Variants in PTPRD observed in about 807,000 individuals in gnomAD.
PTPRD encodes receptor-type tyrosine-protein phosphatase delta.
PTPRD carries 34 observed loss-of-function variants against 214.5 expected under a neutral mutation model. That is an observed-to-expected ratio of 0.16 (90% CI 0.12 to 0.21). PTPRD has a LOEUF of 0.21. Among genes scored for constraint, PTPRD ranks in the 10% least tolerant of loss-of-function variants. The pLI is 1.00. For missense variants in PTPRD, 2,545 were observed against 2,398.7 expected, an observed-to-expected ratio of 1.06 and a Z score of -1.27; for synonymous variants, 1,128 against 845.7, an observed-to-expected ratio of 1.33 and a Z score of -5.79.
chr9:8,986,784 T>C (rs942618926), intron 11 of PTPRD, among the ~76,000 whole-genome samples: 2 of 152,112 alleles, frequency 1.3e-5, no homozygotes, highest in African/African-American at 4.8e-5. Context: ...CATGCTAATA[T>C]CAAACGAATT....
At chr9:10,212,234 G>A (rs1432905422) in intron 3 of PTPRD, among the ~76,000 whole-genome samples, 1 of 151,956 alleles carries the variant, frequency 6.6e-6, no homozygotes, top group Non-Finnish European at 1.5e-5. Flanking sequence ...TAATGTTTGT[G>A]CAAGCAAAAG....
chr9:9,931,391 G>A (rs920105647), intron 5 of PTPRD, among the ~76,000 whole-genome samples: 1 of 152,168 alleles, frequency 6.6e-6, no homozygotes, highest in Non-Finnish European at 1.5e-5. Flanking sequence ...AGCCGAAGCA[G>A]GGCGAGGCAT....
At chr9:8,811,754 T>G (rs2096810125) in intron 11 of PTPRD, among the ~76,000 whole-genome samples, 1 of 152,184 alleles carries the variant, frequency 6.6e-6, no homozygotes, top group Non-Finnish European at 1.5e-5. Flanking sequence ...AACAACGCAG[T>G]CGTAATTCAA....
chr9:10,330,025 C>T (rs186996377), intron 3 of PTPRD, among the ~76,000 whole-genome samples: 9 of 151,892 alleles, frequency 5.9e-5, no homozygotes, highest in Non-Finnish European at 1.3e-4. Context: ...TAGTAGACAT[C>T]TATAGAACTA....
At chr9:9,905,619 T>A (rs2077376866) in intron 5 of PTPRD, among the ~76,000 whole-genome samples, 1 of 151,940 alleles carries the variant, frequency 6.6e-6, no homozygotes, top group African/African-American at 2.4e-5. Context: ...CAGAAATTTT[T>A]ACAAATGACA....
intron 3 of PTPRD, among the ~76,000 whole-genome samples, chr9:10,332,069 T>C (rs2154434922): frequency 6.6e-6 from 1 of 151,998 alleles, no homozygotes; most frequent in South Asian, 2.1e-4. Flanking sequence ...CATTTATTTT[T>C]TACATTTAAA....
intron 34 of PTPRD, among the ~76,000 whole-genome samples, chr9:8,443,501 T>C (rs1284239863): frequency 6.6e-6 from 1 of 152,220 alleles, no homozygotes; most frequent in Non-Finnish European, 1.5e-5. Flanking sequence ...AGTTTGTTTC[T>C]GTTTTCACAG....
At position 9,424,937 on chromosome 9, in the gene PTPRD, T is replaced by C. The variant is rs113633713; in HGVS notation, c.-236-27455A>G. Reference sequence around the variant, plus strand: ...ATCAATGCACCAATCAAGAATTAGGTTATTTTTACCTACTACTTAAAGCTG... The same window carrying C: ...ATCAATGCACCAATCAAGAATTAGGCTATTTTTACCTACTACTTAAAGCTG... On this transcript the variant is annotated intron_variant, in intron 8 of 45. Coordinates refer to ENST00000381196, the MANE Select transcript of PTPRD (RefSeq NM_002839.4). Among the ~76,000 whole-genome samples, 919 of 152,334 alleles carry C rather than the reference T, an allele frequency of 6.0e-3. 1 individual carries two copies. The highest frequency in any genetic ancestry group is 8.7e-3 in the Non-Finnish European group (591 of 68,032).
intron 11 of PTPRD, among the ~76,000 whole-genome samples, chr9:8,891,299 A>G (rs1030361853): frequency 2.0e-5 from 3 of 151,610 alleles, no homozygotes; most frequent in Non-Finnish European, 2.9e-5. Flanking sequence ...ACGCCTGGCT[A>G]ATTTTTGTAT....
At chr9:8,472,881 G>A (rs2096682740) in intron 30 of PTPRD, among the ~76,000 whole-genome samples, 1 of 152,102 alleles carries the variant, frequency 6.6e-6, no homozygotes, top group African/African-American at 2.4e-5. Context: ...AGTTTGGGCT[G>A]ATCTTTGGCT....
chr9:8,441,192 T>C (rs2095535728), intron 34 of PTPRD, among the ~76,000 whole-genome samples: 1 of 152,086 alleles, frequency 6.6e-6, no homozygotes, highest in East Asian at 1.9e-4. Flanking sequence ...GTCTCTACTT[T>C]GAACAGAGAC....
chr9:9,648,346 A>G (rs1248750162), intron 7 of PTPRD, among the ~76,000 whole-genome samples: 1 of 152,162 alleles, frequency 6.6e-6, no homozygotes, highest in African/African-American at 2.4e-5. Context: ...CCAGAATCCA[A>G]CTCTAGGGTA....
At chr9:9,834,252 A>T (rs1329752241) in intron 5 of PTPRD, among the ~76,000 whole-genome samples, 2 of 152,038 alleles carry the variant, frequency 1.3e-5, no homozygotes, top group Non-Finnish European at 2.9e-5. Flanking sequence ...TCTAAATCAC[A>T]GGTACTACTA....
intron 5 of PTPRD, among the ~76,000 whole-genome samples, chr9:9,806,879 C>G (rs1276318276): frequency 6.6e-6 from 1 of 152,114 alleles, no homozygotes; most frequent in Admixed American, 6.6e-5. Context: ...ATGCATGTAA[C>G]TTCAGTAAAC....
At chr9:8,435,583 T>A (rs1253794749) in intron 35 of PTPRD, among the ~76,000 whole-genome samples, 1 of 152,166 alleles carries the variant, frequency 6.6e-6, no homozygotes. Flanking sequence ...AAAAAACAAT[T>A]ATCGTCCAGT....
intron 9 of PTPRD, among the ~76,000 whole-genome samples, chr9:9,389,133 G>C (rs2064922881): frequency 6.6e-6 from 1 of 152,138 alleles, no homozygotes; most frequent in South Asian, 2.1e-4. Context: ...GATTAAATTT[G>C]ATAATATATG....
At chr9:8,376,228 C>T (rs2083203240) in intron 38 of PTPRD, 138 bp from the exon 39 acceptor site, 1 of 1,029,892 alleles carries the variant, frequency 9.7e-7, no homozygotes, top group Admixed American at 2.9e-5. Flanking sequence ...AAGACACACT[C>T]TTTGGAAATA....
At position 9,145,824 on chromosome 9, in the gene PTPRD, A is replaced by G. The variant is rs1489769389; in HGVS notation, c.-143+37480T>C. On this transcript the variant is annotated intron_variant, in intron 10 of 45. Transcript: ENST00000381196. The stretch of plus-strand genomic sequence containing the variant: ...TCATAGGATGTTCTAGTACCTGACT[A>G]CGATTCCCTCAGGCAAAAGATACCT... Among the ~76,000 whole-genome samples, 3 of 152,238 alleles carry G rather than the reference A, an allele frequency of 2.0e-5. No homozygotes were observed. In the East Asian group the frequency reaches 5.8e-4, roughly 29 times the overall value.
intron 33 of PTPRD, among the ~76,000 whole-genome samples, chr9:8,456,971 A>G (rs1001226156): frequency 2.6e-5 from 4 of 152,114 alleles, no homozygotes; most frequent in African/African-American, 9.7e-5. Flanking sequence ...TAATTCTTGG[A>G]CAGTTCTGGA....
Sources: allele counts gnomAD v4.1 joint callset (sites outside exome capture counted in the v4.1 genomes callset), GRCh38; gene constraint gnomAD v4.1.1; transcripts MANE v1.5; gene names NCBI Gene and HGNC (gene_info 2026-07-23, HGNC 2026-07-21).